HMGXB4: variants seen among roughly 807,000 people sequenced by gnomAD.
The protein encoded by HMGXB4 is HMG domain-containing protein 4.
In HMGXB4, 27 loss-of-function variants were observed where a neutral mutation model predicts 63.9. The observed-to-expected ratio is 0.42, with a 90% CI of 0.31 to 0.58. The LOEUF (loss-of-function observed/expected upper bound fraction) is 0.58. Among genes scored for constraint, HMGXB4 ranks in the 20% least tolerant of loss-of-function variants. The pLI, the probability that HMGXB4 is intolerant of heterozygous loss-of-function variation, is 0.13. For synonymous variants in HMGXB4, 264 were observed against 265.3 expected (o/e 0.99, Z 0.05); for missense variants, 624 against 700.7 (o/e 0.89, Z 1.24).
chr22:35,242,030 T>C, the HMGXB4 span, among the ~76,000 whole-genome samples: 1 of 152,206 alleles, frequency 6.6e-6, no homozygotes, highest in African/African-American at 2.4e-5. Context: ...TTTTTTATAC[T>C]GTCTTCTCTG....
chr22:35,264,143 T>C, intron 4 of HMGXB4: 1 of 1,234,122 alleles, frequency 8.1e-7, no homozygotes, highest in Non-Finnish European at 1.1e-6. Flanking sequence ...CTTGTGCCCA[T>C]TGTTATCTAG....
At chr22:35,282,224 T>C (rs1924290019) in intron 5 of HMGXB4, among the ~76,000 whole-genome samples, 1 of 152,236 alleles carries the variant, frequency 6.6e-6, no homozygotes, top group Non-Finnish European at 1.5e-5. Context: ...TCGCCCAGGC[T>C]GGAGTGCAGT....
intron 9 of HMGXB4, among the ~76,000 whole-genome samples, chr22:35,291,039 G>A (rs2145574722): frequency 6.6e-6 from 1 of 152,288 alleles, no homozygotes; most frequent in African/African-American, 2.4e-5. Flanking sequence ...AAAGTGGGAG[G>A]ATCACCTGAG....
In HMGXB4 at chr22:35,262,378, C is replaced by G. The variant is rs1259583891; in HGVS notation, c.-13C>G. The G allele has an allele frequency of 6.2e-7, 1 of 1,613,822 alleles. No homozygotes were observed. Among genetic ancestry groups the G allele is most frequent in the Non-Finnish European group, 8.5e-7 (1 of 1,179,732 alleles). The stretch of plus-strand genomic sequence containing the variant: ...ACACAGTGACACATTCTCAAAGGCC[C>G]TGCAGGACCACCATGGCTTATGATG... On this transcript the variant is annotated 5_prime_UTR_variant, in exon 2 of 11. Transcript: ENST00000216106.
intron 6 of HMGXB4, among the ~76,000 whole-genome samples, chr22:35,285,188 T>C (rs1924491900): frequency 6.6e-6 from 1 of 152,184 alleles, no homozygotes; most frequent in East Asian, 1.9e-4. Context: ...GGAGAATTGC[T>C]GGAGCCCAGG....
intron 5 of HMGXB4, among the ~76,000 whole-genome samples, chr22:35,279,329 G>C (rs1440059106): frequency 6.6e-6 from 1 of 151,732 alleles, no homozygotes; most frequent in African/African-American, 2.4e-5. Flanking sequence ...TGTATTTTTA[G>C]TAGAGACAGG....
chr22:35,263,172 G>A lies in HMGXB4; in HGVS notation c.126G>A (p.Arg42=). The A allele has an allele frequency of 6.2e-7, 1 of 1,614,094 alleles. No individual in the cohort carries two copies. Among genetic ancestry groups the A allele is most frequent in the Non-Finnish European group, 8.5e-7 (1 of 1,179,964 alleles). The change falls in exon 3 of 11, where the codon AGG becomes AGA. Residue 42 remains arginine, a synonymous_variant. Coordinates refer to ENST00000216106, the MANE Select transcript of HMGXB4 (RefSeq NM_001003681.3). ...EKKRSYKDFL[R]EEEEIAAQVR... is the part of the protein sequence containing the mutation. ...AACGTTCTTACAAAGATTTTTTAAG[G>A]GAAGAGGAAGAAATTGCTGCTCAGG...
At chr22:35,243,186 C>G in the HMGXB4 span, among the ~76,000 whole-genome samples, 1 of 152,110 alleles carries the variant, frequency 6.6e-6, no homozygotes, top group Admixed American at 6.5e-5. Flanking sequence ...GCCTGGCCAA[C>G]ATGGTGAAAC....
chr22:35,290,371 C>T (rs555994057), intron 9 of HMGXB4, among the ~76,000 whole-genome samples: 1 of 151,944 alleles, frequency 6.6e-6, no homozygotes, highest in African/African-American at 2.4e-5. Context: ...ACCAGCCAGG[C>T]GCGGTGGCTC....
At chr22:35,274,680 A>G (rs897324059) in intron 5 of HMGXB4, among the ~76,000 whole-genome samples, 1 of 152,240 alleles carries the variant, frequency 6.6e-6, no homozygotes, top group African/African-American at 2.4e-5. Context: ...TACAAGAGCC[A>G]CGCTCATTTC....
intron 5 of HMGXB4, among the ~76,000 whole-genome samples, chr22:35,274,018 C>G (rs1429268547): frequency 6.6e-6 from 1 of 152,220 alleles, no homozygotes; most frequent in East Asian, 1.9e-4. Flanking sequence ...CATATTTACT[C>G]TGCTCTTAAA....
intron 5 of HMGXB4, among the ~76,000 whole-genome samples, chr22:35,278,072 C>T (rs1924018298): frequency 6.6e-6 from 1 of 152,200 alleles, no homozygotes. Flanking sequence ...TTGCCTTTTC[C>T]AGAATGCCAC....
chr22:35,273,661 A>G (rs1923738834), intron 5 of HMGXB4, among the ~76,000 whole-genome samples: 1 of 152,352 alleles, frequency 6.6e-6, no homozygotes, highest in South Asian at 2.1e-4. Flanking sequence ...TTTTATGCAT[A>G]TAATACCCTA....
At chr22:35,260,478 G>A (rs916998939) in intron 1 of HMGXB4, among the ~76,000 whole-genome samples, 2 of 152,180 alleles carry the variant, frequency 1.3e-5, no homozygotes, top group Non-Finnish European at 2.9e-5. Flanking sequence ...AGTAGTTTCC[G>A]CTGAGAAAGT....
At chr22:35,246,782 T>C in the HMGXB4 span, among the ~76,000 whole-genome samples, 3 of 152,220 alleles carry the variant, frequency 2.0e-5, no homozygotes, top group Non-Finnish European at 4.4e-5. Flanking sequence ...CACCTTGCAG[T>C]ATCTTCTTGC....
the HMGXB4 span, among the ~76,000 whole-genome samples, chr22:35,248,401 C>CTTTTTTTTTTTTTTTTTTTT: frequency 9.7e-6 from 1 of 102,964 alleles, no homozygotes; most frequent in African/African-American, 3.7e-5. Context: ...GAGGTCGGGA[C>CTTTTTTTTTTTTTTTTTTTT]TTTTTTTTTT....
chr22:35,287,325 A>T (rs1298905989), intron 7 of HMGXB4, 22 bp from the exon 8 acceptor site: 2 of 1,551,074 alleles, frequency 1.3e-6, no homozygotes, highest in Non-Finnish European at 1.8e-6. Flanking sequence ...ATTTAATTTA[A>T]TGTTCACTGA....
chr22:35,264,014 C>A, intron 4 of HMGXB4, 140 bp downstream of exon 4: 1 of 1,555,060 alleles, frequency 6.4e-7, no homozygotes, highest in Non-Finnish European at 8.7e-7. Flanking sequence ...GCCGATAAAC[C>A]AGTGTGAAGG....
chr22:35,288,061 T>C (rs1159650441), intron 8 of HMGXB4, among the ~76,000 whole-genome samples, 177 bp from the exon 9 acceptor site: 2 of 152,212 alleles, frequency 1.3e-5, no homozygotes, highest in Non-Finnish European at 2.9e-5. Context: ...AATGTAAAAC[T>C]ATTCCTAACT....
Sources: allele counts gnomAD v4.1 joint callset (sites outside exome capture counted in the v4.1 genomes callset), GRCh38; gene constraint gnomAD v4.1.1; transcripts MANE v1.5; gene names NCBI Gene and HGNC (gene_info 2026-07-23, HGNC 2026-07-21).